The following GLIS1 variants were observed in gnomAD, a reference collection of about 807,000 sequenced individuals.
GLIS1 encodes the protein GLIS family zinc finger 1.
A neutral mutation model predicts 63.8 loss-of-function variants in GLIS1; 24 were observed. The ratio of observed to expected loss-of-function variants is 0.38; its 90% CI spans 0.27 to 0.53. The LOEUF (loss-of-function observed/expected upper bound fraction) is 0.53, where lower values mean the gene tolerates loss of function less well. Among genes scored for constraint, GLIS1 ranks in the 20% least tolerant of loss-of-function variants. The pLI is 0.85. For synonymous variants in GLIS1, 450 were observed against 482.5 expected (o/e 0.93, Z 0.88); for missense variants, 1,036 against 1,074.1 (o/e 0.96, Z 0.50).
chr1:53,533,468 T>C (rs540343055), intron 4 of GLIS1, among the ~76,000 whole-genome samples: 1 of 152,296 alleles, frequency 6.6e-6, no homozygotes, highest in South Asian at 2.1e-4. Flanking sequence ...TGTGCCCATG[T>C]ATGTTGGCCC....
intron 2 of GLIS1, among the ~76,000 whole-genome samples, chr1:53,640,030 C>T (rs978788753): frequency 6.6e-6 from 1 of 152,190 alleles, no homozygotes; most frequent in African/African-American, 2.4e-5. Flanking sequence ...GTGCCAAGCA[C>T]ATTTTATTCA....
intron 2 of GLIS1, among the ~76,000 whole-genome samples, chr1:53,690,655 C>A (rs1411939790): frequency 1.4e-4 from 21 of 152,130 alleles, no homozygotes; most frequent in Admixed American, 1.4e-3. Context: ...GGCAGGGCAG[C>A]GATGATTAAC....
chr1:53,519,306 G>A (rs1644383215), intron 7 of GLIS1, among the ~76,000 whole-genome samples: 2 of 152,204 alleles, frequency 1.3e-5, no homozygotes, highest in Admixed American at 6.5e-5. Flanking sequence ...ACCTGCCTGA[G>A]CACAAACCCC....
intron 2 of GLIS1, among the ~76,000 whole-genome samples, chr1:53,607,723 A>G (rs778582954): frequency 8.5e-4 from 129 of 152,344 alleles, no homozygotes; most frequent in Middle Eastern, 3.4e-3. Flanking sequence ...TCCCCAGTGT[A>G]CTAGTCAGTT....
At chr1:53,708,284 C>CA (rs1294683718) in intron 2 of GLIS1, among the ~76,000 whole-genome samples, 66 of 145,702 alleles carry the variant, frequency 4.5e-4, no homozygotes, top group African/African-American at 1.3e-3. Context: ...GACTTCATCT[C>CA]AAAAAAAAAA....
intron 4 of GLIS1, among the ~76,000 whole-genome samples, chr1:53,593,890 G>A (rs558567261): frequency 2.0e-5 from 3 of 152,236 alleles, no homozygotes; most frequent in Admixed American, 2.0e-4. Context: ...TGGGCACCTA[G>A]TGAGTATGAG....
intron 2 of GLIS1, among the ~76,000 whole-genome samples, chr1:53,705,867 G>A (rs17109175): frequency 0.021 from 3,211 of 152,230 alleles, 107 homozygotes; most frequent in African/African-American, 0.072. Flanking sequence ...CAATGCTCCC[G>A]GGAAGTCCGA....
In GLIS1 at chr1:53,612,599, G is replaced by T. The variant is rs562810436; in HGVS notation, c.260-12321C>A. 2.0e-5 allele frequency among the ~76,000 whole-genome samples: 3 copies of T among 152,190 alleles called. No homozygotes were observed. In the South Asian group the frequency reaches 6.2e-4, roughly 32 times the overall value. On this transcript the variant is annotated intron_variant, in intron 2 of 10. Transcript: ENST00000628545. ...CTGGGATCTTGACCCCTCATGATCTGCCTGTCTCAGTAGCCCTTAACTCCA... is the reference window on the plus strand; with the variant it reads ...CTGGGATCTTGACCCCTCATGATCTTCCTGTCTCAGTAGCCCTTAACTCCA...
rs185377790 is a variant in GLIS1 at position 53,630,636 on chromosome 1, C to T, written c.260-30358G>A. On this transcript the variant is annotated intron_variant, in intron 2 of 10. Coordinates refer to ENST00000628545, the MANE Select transcript of GLIS1 (RefSeq NM_001367484.1). ...TCAGCCTCCCAAGTAGCTGGGATTA[C>T]AGGTGTGTGCCACCATGGCTCGCTA... is the stretch of plus-strand genomic sequence containing the variant. Among the ~76,000 whole-genome samples the T allele has an allele frequency of 2.6e-4, 40 of 152,258 alleles. No individual in the cohort carries two copies. The East Asian group carries it at 6.2e-3, about 24-fold the overall frequency.
intron 2 of GLIS1, among the ~76,000 whole-genome samples, chr1:53,641,336 A>G (rs867157622): frequency 1.4e-4 from 21 of 152,272 alleles, no homozygotes; most frequent in South Asian, 2.1e-4. Context: ...ATGACAGTGG[A>G]TGACATTCCC....
chr1:53,562,201 A>C (rs993248416), intron 4 of GLIS1, among the ~76,000 whole-genome samples: 1 of 152,220 alleles, frequency 6.6e-6, no homozygotes, highest in Non-Finnish European at 1.5e-5. Context: ...TGAGCTTCCC[A>C]GAGATGAATG....
At chr1:53,689,315 C>T (rs965031606) in intron 2 of GLIS1, among the ~76,000 whole-genome samples, 3 of 152,224 alleles carry the variant, frequency 2.0e-5, no homozygotes, top group Non-Finnish European at 4.4e-5. Context: ...TTCACAGAGG[C>T]ACCACCTGCC....
intron 2 of GLIS1, among the ~76,000 whole-genome samples, chr1:53,626,084 C>T (rs551515791): frequency 3.7e-4 from 57 of 152,150 alleles, no homozygotes; most frequent in Non-Finnish European, 6.8e-4. Context: ...ACCACCAGGC[C>T]CGGAGTGAGG....
At chr1:53,694,361 G>T (rs1479489234) in intron 2 of GLIS1, among the ~76,000 whole-genome samples, 2 of 152,148 alleles carry the variant, frequency 1.3e-5, no homozygotes, top group Non-Finnish European at 1.5e-5. Flanking sequence ...TCACCCTGTG[G>T]ACTCAAGTCC....
At chr1:53,575,534 C>G (rs1024465605) in intron 4 of GLIS1, among the ~76,000 whole-genome samples, 1 of 152,188 alleles carries the variant, frequency 6.6e-6, no homozygotes, top group Non-Finnish European at 1.5e-5. Context: ...GTGTCCAAGT[C>G]CCCTCCTCTG....
intron 2 of GLIS1, among the ~76,000 whole-genome samples, chr1:53,721,350 C>T (rs1646752377): frequency 6.6e-6 from 1 of 152,182 alleles, no homozygotes; most frequent in Non-Finnish European, 1.5e-5. Context: ...GGGAGAGTAA[C>T]AGTAACTCCT....
chr1:53,674,917 C>T (rs1320016223), intron 2 of GLIS1, among the ~76,000 whole-genome samples: 1 of 152,148 alleles, frequency 6.6e-6, no homozygotes, highest in African/African-American at 2.4e-5. Flanking sequence ...GGCATGCAGG[C>T]TGCTAAGAGA....
intron 2 of GLIS1, among the ~76,000 whole-genome samples, chr1:53,624,183 T>A (rs1328217953): frequency 6.6e-6 from 1 of 152,216 alleles, no homozygotes; most frequent in African/African-American, 2.4e-5. Flanking sequence ...AGGGTGGCAC[T>A]GGCATAAGAA....
chr1:53,677,930 T>C (rs1338587706), intron 2 of GLIS1, among the ~76,000 whole-genome samples: 2 of 152,120 alleles, frequency 1.3e-5, no homozygotes, highest in Non-Finnish European at 2.9e-5. Context: ...TCCTCAAGTG[T>C]CAAATGGAAA....
Sources: allele counts gnomAD v4.1 joint callset (sites outside exome capture counted in the v4.1 genomes callset), GRCh38; gene constraint gnomAD v4.1.1; transcripts MANE v1.5; gene names NCBI Gene and HGNC (gene_info 2026-07-23, HGNC 2026-07-21).